STYK1: variants seen among roughly 807,000 people sequenced by gnomAD.
The protein encoded by STYK1 is STY kinase 1.
In STYK1, 46 loss-of-function variants were observed where a neutral mutation model predicts 48.1. The ratio of observed to expected loss-of-function variants is 0.96; its 90% confidence interval spans 0.75 to 1.22. The LOEUF (loss-of-function observed/expected upper bound fraction) is 1.22, where lower values mean the gene tolerates loss of function less well. Among genes scored for constraint, STYK1 ranks in the 50% most tolerant of loss-of-function variants. The pLI, the probability that STYK1 is intolerant of heterozygous loss-of-function variation, is 0.00. For missense variants in STYK1, 527 were observed against 521.1 expected (o/e 1.01, Z -0.11); for synonymous variants, 188 against 189.0 (o/e 0.99, Z 0.04).
Position 10,664,048 on chromosome 12 carries a change from G to C in STYK1, c.-195+9918C>G, listed in dbSNP as rs1381914399. 2.0e-5 allele frequency among the ~76,000 whole-genome samples: 3 copies of C among 152,204 alleles called. No individual in the cohort carries two copies. In the East Asian group the frequency reaches 5.8e-4, roughly 29 times the overall value. ...TCCGAAAGAATCTGTCCTAGAACAG[G>C]TCGGGCAACAAATGCCTCCCAGTCC... On this transcript the variant is annotated intron_variant, in intron 1 of 10. Transcript: ENST00000075503.
intron 7 of STYK1, among the ~76,000 whole-genome samples, chr12:10,626,396 A>G (rs1168950147): frequency 6.6e-6 from 1 of 152,130 alleles, no homozygotes; most frequent in Non-Finnish European, 1.5e-5. Flanking sequence ...GACAATATTC[A>G]CGTATATGAT....
chr12:10,640,604 T>G (rs532536879), intron 1 of STYK1: 1 of 152,302 alleles, frequency 6.6e-6, no homozygotes, highest in South Asian at 2.1e-4. Flanking sequence ...GGGGAACCCC[T>G]TTCCACCATG....
chr12:10,651,364 G>A (rs1947660982), intron 1 of STYK1, among the ~76,000 whole-genome samples: 1 of 152,194 alleles, frequency 6.6e-6, no homozygotes, highest in South Asian at 2.1e-4. Flanking sequence ...CTGAAATCCA[G>A]TATACCCACC....
At chr12:10,656,386 G>A (rs1394604990) in intron 1 of STYK1, among the ~76,000 whole-genome samples, 5 of 152,164 alleles carry the variant, frequency 3.3e-5, no homozygotes, top group Admixed American at 6.5e-5. Flanking sequence ...CAGCACTTTG[G>A]GAGGCTGAGG....
chr12:10,622,185 A>G (rs1477331613), intron 9 of STYK1, among the ~76,000 whole-genome samples: 2 of 152,214 alleles, frequency 1.3e-5, no homozygotes, highest in Non-Finnish European at 2.9e-5. Context: ...CTGATAAGTT[A>G]GGAGAATCTT....
At chr12:10,627,768 C>T (rs1175499518) in intron 6 of STYK1, 44 bp from the exon 7 acceptor site, 2 of 1,518,372 alleles carry the variant, frequency 1.3e-6, no homozygotes, top group South Asian at 2.4e-5. Context: ...AAATAGCACT[C>T]ACAGATTTGG....
chr12:10,645,894 T>C (rs964081706), intron 1 of STYK1, among the ~76,000 whole-genome samples: 22 of 152,154 alleles, frequency 1.4e-4, no homozygotes, highest in Admixed American at 1.1e-3. Context: ...TCTGATGGCT[T>C]TATAAGGGGG....
chr12:10,655,954 C>A (rs1287531778), intron 1 of STYK1, among the ~76,000 whole-genome samples: 1 of 151,942 alleles, frequency 6.6e-6, no homozygotes, highest in African/African-American at 2.4e-5. Context: ...AAGTTTTTTT[C>A]TTCTCAGTTG....
At chr12:10,645,277 G>A (rs1300979250) in intron 1 of STYK1, among the ~76,000 whole-genome samples, 4 of 152,154 alleles carry the variant, frequency 2.6e-5, no homozygotes, top group African/African-American at 7.2e-5. Context: ...GGAATGAATA[G>A]GTGGTGAGGA....
At chr12:10,625,198 C>CTTTTTTTT in intron 7 of STYK1, among the ~76,000 whole-genome samples, 1 of 121,406 alleles carries the variant, frequency 8.2e-6, no homozygotes, top group African/African-American at 2.8e-5. Flanking sequence ...TTCCAAGTTT[C>CTTTTTTTT]TTTCTTTTTT....
At chr12:10,657,179 G>T (rs994732299) in intron 1 of STYK1, among the ~76,000 whole-genome samples, 8 of 152,086 alleles carry the variant, frequency 5.3e-5, no homozygotes, top group African/African-American at 1.9e-4. Flanking sequence ...TTAAATTTTT[G>T]AAATCTGTTT....
chr12:10,622,929 T>C (rs1865930731), intron 8 of STYK1, among the ~76,000 whole-genome samples: 1 of 152,220 alleles, frequency 6.6e-6, no homozygotes. Context: ...AATAGATGTT[T>C]GTTATTATTT....
At chr12:10,663,033 G>A (rs1384726088) in intron 1 of STYK1, among the ~76,000 whole-genome samples, 1 of 152,096 alleles carries the variant, frequency 6.6e-6, no homozygotes, top group Non-Finnish European at 1.5e-5. Context: ...TCATTCTTTT[G>A]CACGTGAATA....
intron 1 of STYK1, among the ~76,000 whole-genome samples, chr12:10,669,632 G>A (rs1214517376): frequency 6.6e-6 from 1 of 151,910 alleles, no homozygotes; most frequent in Non-Finnish European, 1.5e-5. Context: ...TAGACAAATG[G>A]GGTTACATCA....
chr12:10,619,202 A>G lies in STYK1; in HGVS notation c.*942T>C. 6.6e-6 allele frequency: 1 copy of G among 152,340 alleles called. No individual in the cohort carries two copies. Among genetic ancestry groups the G allele is most frequent in the East Asian group, 1.9e-4 (1 of 5,192 alleles). The allele number at this position is 152,340 out of a possible 1,614,324, so 9.4% of individuals were successfully genotyped here. The stretch of plus-strand genomic sequence containing the variant: ...TTTCCATTTAATAAATATTAATTTA[A>G]TAAAATAAGTTTCACAGTATATCAA... On this transcript the variant is annotated 3_prime_UTR_variant, in exon 11 of 11. Coordinates refer to ENST00000075503, the MANE Select transcript of STYK1 (RefSeq NM_018423.3).
intron 1 of STYK1, among the ~76,000 whole-genome samples, chr12:10,666,710 G>A (rs558878510): frequency 1.3e-5 from 2 of 152,282 alleles, no homozygotes; most frequent in African/African-American, 2.4e-5. Flanking sequence ...AAGTTCTCAC[G>A]AGATCTGATG....
intron 1 of STYK1, among the ~76,000 whole-genome samples, chr12:10,638,920 C>G (rs1947514494): frequency 4.6e-5 from 7 of 152,160 alleles, no homozygotes; most frequent in Admixed American, 4.6e-4. Flanking sequence ...GATCTTCCAG[C>G]CATGTTCTTT....
chr12:10,620,413 C>T (rs1395670152), intron 10 of STYK1, 65 bp from the exon 11 acceptor site: 5 of 1,487,486 alleles, frequency 3.4e-6, no homozygotes, highest in African/African-American at 1.4e-5. Context: ...CATGTCTCCT[C>T]TCCTCACAAA....
At chr12:10,667,890 C>T (rs1408379337) in intron 1 of STYK1, among the ~76,000 whole-genome samples, 2 of 152,102 alleles carry the variant, frequency 1.3e-5, no homozygotes, top group Non-Finnish European at 2.9e-5. Flanking sequence ...CTGCCCAATT[C>T]AGCAGAAGGT....
Sources: gnomAD v4.1 joint callset for allele counts (sites outside exome capture counted in the v4.1 genomes callset) on GRCh38, gnomAD v4.1.1 for gene constraint, MANE v1.5 for transcripts, NCBI Gene and HGNC (gene_info 2026-07-23, HGNC 2026-07-21) for gene names.